FCER1G: variants seen among roughly 807,000 people sequenced by gnomAD.
The protein encoded by FCER1G is Fc epsilon receptor Ig, also known as high affinity immunoglobulin epsilon receptor subunit gamma.
FCER1G carries 7 observed loss-of-function variants against 17.3 expected under a neutral mutation model. That is an observed-to-expected ratio of 0.40 (90% CI 0.23 to 0.76). The LOEUF (loss-of-function observed/expected upper bound fraction) is 0.76. Among genes scored for constraint, FCER1G ranks in the 30% least tolerant of loss-of-function variants. The probability of loss-of-function intolerance (pLI) is 0.35; values close to 1 mark genes in which losing one functional copy is unlikely to be tolerated. For missense variants in FCER1G, 87 were observed against 97.7 expected, an observed-to-expected ratio of 0.89 and a Z score of 0.46; for synonymous variants, 35 against 38.7, an observed-to-expected ratio of 0.90 and a Z score of 0.35.
intron 4 of FCER1G, 76 bp from the exon 5 acceptor site, chr1:161,218,805 G>A: frequency 3.2e-6 from 5 of 1,580,734 alleles, no homozygotes; most frequent in Non-Finnish European, 4.3e-6. Flanking sequence ...CCGGTGGGGG[G>A]AGGGGGGTCC....
chr1:161,215,773 G>C (rs1165016815), intron 1 of FCER1G, among the ~76,000 whole-genome samples: 1 of 151,850 alleles, frequency 6.6e-6, no homozygotes, highest in East Asian at 1.9e-4. Context: ...AAGTATTTTT[G>C]GTAGAAACCG....
In FCER1G at chr1:161,219,244, G is replaced by T. The variant is rs188894565; in HGVS notation, c.*301G>T. 3.0e-4 allele frequency: 132 copies of T among 433,256 alleles called. 1 individual carries two copies. The highest frequency in any genetic ancestry group is 1.9e-3 in the Admixed American group (46 of 24,336). 26.8% of individuals were successfully genotyped at this position (433,256 alleles called of 1,614,324 possible). ...CCCCCAATAAAACTGCCATGGACTG[G>T]ACTCTATTCATTCATTCATTCATTT... On this transcript the variant is annotated 3_prime_UTR_variant, in exon 5 of 5. Transcript: ENST00000289902.
intron 1 of FCER1G, 77 bp from the exon 2 acceptor site, chr1:161,217,909 G>T: frequency 1.0e-6 from 1 of 982,540 alleles, no homozygotes; most frequent in Non-Finnish European, 1.6e-6. Context: ...ACCTCCCAGA[G>T]CCCCTTCCCT....
At chr1:161,215,920 T>A (rs762808844) in intron 1 of FCER1G, among the ~76,000 whole-genome samples, 1 of 152,034 alleles carries the variant, frequency 6.6e-6, no homozygotes, top group Non-Finnish European at 1.5e-5. Context: ...AGACAGGGTC[T>A]TACTATGTTG....
rs1170132326 is a variant in FCER1G at position 161,218,080 on chromosome 1, A to G, written c.141+3A>G. ...CCCTCCTCTACTGTCGACTGAAGGT[A>G]GCGCTGGGCAGGGTGGGGTAAGGGC... On this transcript the variant is annotated splice_donor_region_variant and intron_variant, in intron 2 of 4. Coordinates refer to ENST00000289902, the MANE Select transcript of FCER1G (RefSeq NM_004106.2). 1 of 1,610,192 alleles carries G rather than the reference A, an allele frequency of 6.2e-7. No individual in the cohort carries two copies. Among genetic ancestry groups the G allele is most frequent in the Non-Finnish European group, 8.5e-7 (1 of 1,176,506 alleles).
intron 1 of FCER1G, 139 bp downstream of exon 1, chr1:161,215,509 C>T (rs1471776826): frequency 1.0e-5 from 8 of 765,162 alleles, no homozygotes; most frequent in African/African-American, 6.8e-5. Context: ...GAGGCTAGTC[C>T]TCTCCAGCCC....
In FCER1G at chr1:161,215,352, C is replaced by G; in HGVS notation, c.31C>G (p.Leu11Val). Reference protein sequence around the residue: MIPAVVLLLLLLVEQAAALGE... With the variant: MIPAVVLLLLVLVEQAAALGE... ...TCCAGCAGTGGTCTTGCTCTTACTC[C>G]TTTTGGTTGAACAAGCAGGTAAGAG... Residue 11 changes from leucine (L) to valine (V), a missense_variant, in exon 1 of 5, where the codon CTT (leucine) becomes GTT (valine). Physicochemically the swap from Leu to Val is conservative, Grantham distance 32. Transcript: ENST00000289902. 1 of 1,613,746 alleles carries G rather than the reference C, an allele frequency of 6.2e-7. No homozygotes were observed.
At chr1:161,216,411 C>CACACACACATAT (rs1491150470) in intron 1 of FCER1G, among the ~76,000 whole-genome samples, 42 of 129,730 alleles carry the variant, frequency 3.2e-4, no homozygotes, top group Admixed American at 5.6e-4. Context: ...CACACACACA[C>CACACACACATAT]ATATATATAT....
At chr1:161,215,617 G>A (rs933720207) in intron 1 of FCER1G, among the ~76,000 whole-genome samples, 16 of 152,006 alleles carry the variant, frequency 1.1e-4, no homozygotes, top group African/African-American at 3.1e-4. Context: ...TTTGGAGATG[G>A]AGTCTTGCTC....
chr1:161,218,298 G>A, intron 3 of FCER1G, 22 bp downstream of exon 3: 1 of 1,609,012 alleles, frequency 6.2e-7, no homozygotes, highest in Non-Finnish European at 8.5e-7. Context: ...CCTACACCTG[G>A]TGTGGACAAC....
intron 3 of FCER1G, 93 bp from the exon 4 acceptor site, chr1:161,218,610 G>C: frequency 7.3e-7 from 1 of 1,377,880 alleles, no homozygotes; most frequent in South Asian, 1.2e-5. Flanking sequence ...GTGGCTGGCT[G>C]CCCACCCCCC....
At chr1:161,218,123 G>T (rs768956920) in intron 2 of FCER1G, 46 bp downstream of exon 2, 3 of 1,544,484 alleles carry the variant, frequency 1.9e-6, no homozygotes, top group Admixed American at 3.3e-5. Context: ...GGAAGTGGGA[G>T]GAGGGCAGCA....
intron 1 of FCER1G, among the ~76,000 whole-genome samples, chr1:161,216,377 T>TAC (rs57711151): frequency 0.032 from 3,902 of 120,410 alleles, 55 homozygotes; most frequent in South Asian, 0.049. Context: ...CACACACACA[T>TAC]ACACACACAC....
rs759435931 is a variant in FCER1G at position 161,218,224 on chromosome 1, C to A, written c.142-17C>A. The A allele has an allele frequency of 3.7e-6, 6 of 1,612,486 alleles. No homozygotes were observed. The highest frequency in any genetic ancestry group is 1.6e-4 in the Middle Eastern group (1 of 6,082). ...CCATTAACTTACCCTTTACTGATAA[C>A]CTTTCCCCCATTCCAGATCCAAGTG... On this transcript the variant is annotated splice_polypyrimidine_tract_variant and intron_variant, in intron 2 of 4. Transcript: ENST00000289902.
At chr1:161,215,820 T>C (rs1364451063) in intron 1 of FCER1G, among the ~76,000 whole-genome samples, 1 of 152,052 alleles carries the variant, frequency 6.6e-6, no homozygotes, top group Non-Finnish European at 1.5e-5. Flanking sequence ...CTTGAACTCC[T>C]GACTCAAGTG....
intron 1 of FCER1G, among the ~76,000 whole-genome samples, chr1:161,217,512 C>T (rs931228720): frequency 6.6e-6 from 1 of 151,724 alleles, no homozygotes; most frequent in African/African-American, 2.4e-5. Flanking sequence ...AGCTCACATC[C>T]TTCCTGTCCA....
chr1:161,215,469 A>T, intron 1 of FCER1G, 99 bp downstream of exon 1: 1 of 1,090,334 alleles, frequency 9.2e-7, no homozygotes, highest in African/African-American at 1.5e-5. Context: ...AGGAAGGCTG[A>T]CAGTGGGTAG....
At chr1:161,218,212 C>A in intron 2 of FCER1G, 29 bp from the exon 3 acceptor site, 1 of 1,610,464 alleles carries the variant, frequency 6.2e-7, no homozygotes, top group South Asian at 1.1e-5. Flanking sequence ...TTAACTTACC[C>A]TTTACTGATA....
chr1:161,215,574 A>C (rs1428726868), intron 1 of FCER1G, among the ~76,000 whole-genome samples: 2 of 152,062 alleles, frequency 1.3e-5, no homozygotes, highest in Non-Finnish European at 2.9e-5. Flanking sequence ...TTCTTACTTC[A>C]TTCCAGACTT....
Sources: gnomAD v4.1 joint callset for allele counts (sites outside exome capture counted in the v4.1 genomes callset) on GRCh38, gnomAD v4.1.1 for gene constraint, MANE v1.5 for transcripts, NCBI Gene and HGNC (gene_info 2026-07-23, HGNC 2026-07-21) for gene names.